Variants in KIAA0586 observed in about 807,000 individuals in gnomAD.
The protein encoded by KIAA0586 is protein TALPID3.
KIAA0586 carries 144 observed loss-of-function variants against 169.8 expected under a neutral mutation model. The ratio of observed to expected loss-of-function variants is 0.85; its 90% CI spans 0.74 to 0.97. The LOEUF is 0.97. KIAA0586 is among the 50% of genes least tolerant of loss of function. The probability of loss-of-function intolerance (pLI) is 0.00; values close to 1 mark genes in which losing one functional copy is unlikely to be tolerated. For missense variants in KIAA0586, 1,854 were observed against 1,823.0 expected (o/e 1.02, Z -0.31); for synonymous variants, 625 against 612.4 (o/e 1.02, Z -0.30).
Position 58,444,136 on chromosome 14 carries a change from G to C in KIAA0586, c.768G>C (p.Arg256Ser), listed in dbSNP as rs757161449. The change falls in exon 6 of 31, where the codon AGG becomes AGC. Residue 256 changes from arginine (R) to serine (S), a missense_variant. Transcript: ENST00000652326. ...QMNVFMEQHIRHLEKLQQQQI... is the reference protein window; with the variant it reads ...QMNVFMEQHISHLEKLQQQQI... ...ATGTGTTTATGGAGCAGCACATAAG[G>C]CATCTTGAAAAGTTACAACAACAAC... 5.3e-5 allele frequency: 85 copies of C among 1,613,170 alleles called. No individual in the cohort carries two copies. The highest frequency in any genetic ancestry group is 6.6e-5 in the Non-Finnish European group (78 of 1,179,446).
At chr14:58,435,323 T>G (rs570763567) in intron 4 of KIAA0586, among the ~76,000 whole-genome samples, 1 of 152,348 alleles carries the variant, frequency 6.6e-6, no homozygotes, top group East Asian at 1.9e-4. Flanking sequence ...TTTATGCCCA[T>G]ATCTTCTTAA....
At chr14:58,540,969 T>G (rs1283788634) in intron 30 of KIAA0586, among the ~76,000 whole-genome samples, 6 of 152,242 alleles carry the variant, frequency 3.9e-5, no homozygotes, top group Non-Finnish European at 7.3e-5. Flanking sequence ...GTTTAGCAGC[T>G]GCTTACACAG....
chr14:58,487,928 G>C lies in KIAA0586; in HGVS notation c.3346G>C (p.Val1116Leu), dbSNP rs1201300845. 1 of 1,613,170 alleles carries C rather than the reference G, an allele frequency of 6.2e-7. No homozygotes were observed. The highest frequency in any genetic ancestry group is 8.5e-7 in the Non-Finnish European group (1 of 1,179,742). ...CATCATGCTTGTTAATACTCCAACA[G>C]TTACCCCTACTACTACACCTCCTCC... ...PAIMLVNTPTVTPTTTPPPAA... is the reference protein window; with the variant it reads ...PAIMLVNTPTLTPTTTPPPAA... The change falls in exon 23 of 31, where the codon GTT (valine) becomes CTT (leucine). Residue 1116 changes from valine (V) to leucine (L), a missense_variant. Val to Leu is a conservative substitution (Grantham distance 32, BLOSUM62 1). Transcript: ENST00000652326.
chr14:58,553,087 A>G (rs1648965497), downstream of KIAA0586, among the ~76,000 whole-genome samples: 1 of 152,244 alleles, frequency 6.6e-6, no homozygotes, highest in African/African-American at 2.4e-5. Flanking sequence ...TTATAAAAGT[A>G]CCACGGACAC....
intron 7 of KIAA0586, among the ~76,000 whole-genome samples, chr14:58,449,948 A>T (rs1003370351): frequency 6.6e-6 from 1 of 152,138 alleles, no homozygotes; most frequent in Non-Finnish European, 1.5e-5. Context: ...GGCAAATATC[A>T]TGTTTACATA....
downstream of KIAA0586, among the ~76,000 whole-genome samples, chr14:58,553,336 C>G (rs2047228554): frequency 6.6e-6 from 1 of 151,856 alleles, no homozygotes; most frequent in Non-Finnish European, 1.5e-5. Context: ...GATAACAGGT[C>G]CAGAAAGAGG....
At chr14:58,510,141 C>CA (rs1169106306) in intron 28 of KIAA0586, among the ~76,000 whole-genome samples, 2 of 152,186 alleles carry the variant, frequency 1.3e-5, no homozygotes, top group African/African-American at 4.8e-5. Flanking sequence ...GAGGCTGAGG[C>CA]AGGTGGATCA....
At chr14:58,446,306 G>A (rs1358404110) in intron 6 of KIAA0586, among the ~76,000 whole-genome samples, 1 of 150,428 alleles carries the variant, frequency 6.6e-6, no homozygotes, top group Non-Finnish European at 1.5e-5. Context: ...GACCAGCCTG[G>A]CCAACATGGT....
Position 58,430,646 on chromosome 14 carries a change from A to T in KIAA0586, c.271-2A>T, listed in dbSNP as rs1808376728. The T allele has an allele frequency of 6.3e-7, 1 of 1,584,468 alleles. No homozygotes were observed. The highest frequency in any genetic ancestry group is 1.8e-5 in the Admixed American group (1 of 56,576). ...CCTATTTCTTCCTTTCATATCCCAA[A>T]GGATTTTTCTAAAGACGTTGCAGTG... On this transcript the variant is annotated splice_acceptor_variant, in intron 2 of 30. Transcript: ENST00000652326. LOFTEE classifies it high-confidence loss of function.
At chr14:58,435,393 A>G (rs2037742732) in intron 4 of KIAA0586, among the ~76,000 whole-genome samples, 2 of 152,182 alleles carry the variant, frequency 1.3e-5, no homozygotes, top group South Asian at 4.1e-4. Flanking sequence ...GTAGTGTTGT[A>G]CTTATAATGT....
chr14:58,515,225 G>T (rs1159793810), intron 29 of KIAA0586, among the ~76,000 whole-genome samples: 1 of 151,304 alleles, frequency 6.6e-6, no homozygotes, highest in Non-Finnish European at 1.5e-5. Context: ...TTTCTTATTT[G>T]TAGATTACAC....
Position 58,547,868 on chromosome 14 carries a change from C to T in KIAA0586, c.4583C>T (p.Ser1528Phe), listed in dbSNP as rs749120698. ...CCGTCAGTGAACCTCGAGGACTGCT[C>T]TCAGTCTCTGAGTCTCAGCACAATG... is the stretch of plus-strand genomic sequence containing the variant. ...MLPSVNLEDCSQSLSLSTMQE... is the reference protein window; with the variant it reads ...MLPSVNLEDCFQSLSLSTMQE... The change falls in exon 31 of 31, where the codon TCT (serine) becomes TTT (phenylalanine). Residue 1528 changes from serine (S) to phenylalanine (F), a missense_variant. Coordinates refer to ENST00000652326, the MANE Select transcript of KIAA0586 (RefSeq NM_001329943.3). 1 of 1,613,774 alleles carries T rather than the reference C, an allele frequency of 6.2e-7. No homozygotes were observed. The highest frequency in any genetic ancestry group is 1.1e-5 in the South Asian group (1 of 91,066).
intron 10 of KIAA0586, 29 bp from the exon 11 acceptor site, chr14:58,457,730 G>T (rs755169106): frequency 7.7e-6 from 11 of 1,426,284 alleles, no homozygotes; most frequent in Non-Finnish European, 1.1e-5. Flanking sequence ...TGTGAGTTTA[G>T]TAACTTTCTG....
At chr14:58,541,431 G>A (rs2046628871) in intron 30 of KIAA0586, among the ~76,000 whole-genome samples, 1 of 152,164 alleles carries the variant, frequency 6.6e-6, no homozygotes, top group South Asian at 2.1e-4. Flanking sequence ...TCCAAAGACT[G>A]TCCATGCCCT....
At chr14:58,547,690 C>G (rs1433622471) in intron 30 of KIAA0586, 91 bp from the exon 31 acceptor site, 5 of 1,075,676 alleles carry the variant, frequency 4.6e-6, no homozygotes, top group Non-Finnish European at 6.7e-6. Flanking sequence ...CCGCGCCCCC[C>G]CACCCCAACC....
intron 29 of KIAA0586, among the ~76,000 whole-genome samples, chr14:58,537,760 G>T (rs559033025): frequency 1.3e-5 from 2 of 152,000 alleles, no homozygotes; most frequent in Admixed American, 1.3e-4. Context: ...CCATTCTCCT[G>T]CCTCAGCCTC....
At chr14:58,529,826 G>A (rs111947490) in intron 29 of KIAA0586, among the ~76,000 whole-genome samples, 12 of 152,138 alleles carry the variant, frequency 7.9e-5, no homozygotes, top group Middle Eastern at 3.4e-3. Context: ...TCACCACTCC[G>A]ATTCAACACA....
At chr14:58,494,719 G>A (rs1351372074) in intron 26 of KIAA0586, among the ~76,000 whole-genome samples, 3 of 152,148 alleles carry the variant, frequency 2.0e-5, no homozygotes, top group Admixed American at 6.5e-5. Context: ...GGGAGGGTTT[G>A]TAATCCACTA....
At chr14:58,459,489 C>CT (rs1032686492) in intron 12 of KIAA0586, among the ~76,000 whole-genome samples, 3 of 151,910 alleles carry the variant, frequency 2.0e-5, no homozygotes, top group East Asian at 1.9e-4. Context: ...AAAGTGTTTG[C>CT]TTTTTTTGAA....
Sources: gnomAD v4.1 joint callset for allele counts (sites outside exome capture counted in the v4.1 genomes callset) on GRCh38, gnomAD v4.1.1 for gene constraint, MANE v1.5 for transcripts, NCBI Gene and HGNC (gene_info 2026-07-23, HGNC 2026-07-21) for gene names.